Variants in CALN1 observed in about 807,000 individuals in gnomAD.
The protein encoded by CALN1 is calcium-binding protein 8.
CALN1 carries 17 observed loss-of-function variants against 30.6 expected under a neutral mutation model. The observed-to-expected ratio is 0.56, with a 90% confidence interval of 0.38 to 0.83. The LOEUF is 0.83. Among genes scored for constraint, CALN1 ranks in the 40% least tolerant of loss-of-function variants. CALN1 has a pLI of 0.00. For missense variants in CALN1, 291 were observed against 354.9 expected (o/e 0.82, Z 1.45); for synonymous variants, 156 against 131.4 (o/e 1.19, Z -1.28).
At chr7:72,029,028 T>C (rs1418818333) in intron 4 of CALN1, among the ~76,000 whole-genome samples, 1 of 152,184 alleles carries the variant, frequency 6.6e-6, no homozygotes, top group East Asian at 1.9e-4. Flanking sequence ...GATATAGCTA[T>C]AGAAATCTTT....
chr7:72,367,187 G>A (rs1251248141), intron 2 of CALN1, among the ~76,000 whole-genome samples: 1 of 152,048 alleles, frequency 6.6e-6, no homozygotes, highest in African/African-American at 2.4e-5. Flanking sequence ...AAGCAGGTTG[G>A]GACTAGAAGC....
At chr7:72,447,977 T>C (rs1409605087), upstream of CALN1, among the ~76,000 whole-genome samples, 1 of 140,626 alleles carries the variant, frequency 7.1e-6, no homozygotes, top group Non-Finnish European at 1.5e-5. Flanking sequence ...TGCCTGCCCA[T>C]GCACACACAC....
chr7:72,468,449 G>A, the CALN1 span, among the ~76,000 whole-genome samples: 1 of 152,202 alleles, frequency 6.6e-6, no homozygotes, highest in Non-Finnish European at 1.5e-5. Flanking sequence ...GAGTAGGCGG[G>A]ACTACAGGCA....
chr7:72,487,745 GGAAGGAAGGAAGGAAGGGT>G, the CALN1 span, among the ~76,000 whole-genome samples: 31 of 110,336 alleles, frequency 2.8e-4, no homozygotes, highest in East Asian at 2.7e-3. Context: ...AAGGAAGGAA[GGAAGGAAGGAAGGAAGGGT>G]AAAGAAAGAA....
chr7:72,010,856 G>C, intron 5 of CALN1, among the ~76,000 whole-genome samples: 1 of 149,800 alleles, frequency 6.7e-6, no homozygotes, highest in East Asian at 2.0e-4. Flanking sequence ...AAAAGAAAAG[G>C]AAAGGAAAGG....
intron 3 of CALN1, among the ~76,000 whole-genome samples, chr7:72,207,353 T>C (rs1791966311): frequency 6.6e-6 from 1 of 152,202 alleles, no homozygotes; most frequent in South Asian, 2.1e-4. Context: ...TCCCTTCAAA[T>C]GTCCCTCCCT....
intron 1 of CALN1, among the ~76,000 whole-genome samples, chr7:72,406,311 C>T (rs546225685): frequency 1.3e-5 from 2 of 152,280 alleles, no homozygotes; most frequent in Admixed American, 1.3e-4. Flanking sequence ...CATCTTCCCC[C>T]AATTTAACTG....
chr7:72,367,110 A>T (rs1031623709), intron 2 of CALN1, among the ~76,000 whole-genome samples: 6 of 62,880 alleles, frequency 9.5e-5, no homozygotes, highest in East Asian at 3.6e-4. Context: ...TTTTAATAAT[A>T]AAAAAAAACA....
chr7:72,054,448 C>CATATATATACATATATACATACAT, intron 4 of CALN1, among the ~76,000 whole-genome samples: 1 of 102,258 alleles, frequency 9.8e-6, no homozygotes, highest in Non-Finnish European at 1.9e-5. Context: ...TATATATATA[C>CATATATATACATATATACATACAT]ATATATATAC....
intron 5 of CALN1, among the ~76,000 whole-genome samples, chr7:71,885,368 G>A (rs1410646345): frequency 3.9e-5 from 6 of 152,288 alleles, no homozygotes; most frequent in East Asian, 1.9e-4. Flanking sequence ...TAGCCAGGAT[G>A]GTCTTGATCT....
At chr7:72,246,031 C>T (rs1161713901) in intron 3 of CALN1, among the ~76,000 whole-genome samples, 1 of 152,226 alleles carries the variant, frequency 6.6e-6, no homozygotes, top group Admixed American at 6.5e-5. Flanking sequence ...CCTTTCTTTT[C>T]TCCCTATGGG....
At chr7:71,925,241 GGAGAGAGA>G (rs140977661) in intron 5 of CALN1, among the ~76,000 whole-genome samples, 1 of 150,756 alleles carries the variant, frequency 6.6e-6, no homozygotes, top group Non-Finnish European at 1.5e-5. Context: ...ACTCTGAGGG[GGAGAGAGA>G]GAGAGAGACA....
intron 4 of CALN1, among the ~76,000 whole-genome samples, chr7:72,088,175 TGA>T (rs1281004582): frequency 6.6e-6 from 1 of 151,742 alleles, no homozygotes; most frequent in Non-Finnish European, 1.5e-5. Context: ...CTCTAAAAAC[TGA>T]GAGTGTGAAT....
chr7:72,150,817 C>G (rs772173906), intron 3 of CALN1, among the ~76,000 whole-genome samples: 77 of 152,098 alleles, frequency 5.1e-4, no homozygotes, highest in Non-Finnish European at 8.1e-4. Flanking sequence ...GTAAAACATG[C>G]AAAGTATACT....
intron 5 of CALN1, chr7:71,913,932 T>C (rs1012283194): frequency 2.6e-5 from 4 of 152,244 alleles, no homozygotes; most frequent in Non-Finnish European, 4.4e-5. Flanking sequence ...TTAGGAATCA[T>C]TGTCCCTGGC....
At chr7:71,992,407 G>A (rs1264390561) in intron 5 of CALN1, among the ~76,000 whole-genome samples, 2 of 152,024 alleles carry the variant, frequency 1.3e-5, no homozygotes, top group Non-Finnish European at 2.9e-5. Context: ...CCCAGGCTGG[G>A]ATGCAGTGGT....
At chr7:72,442,400 G>A (rs1808375688) in intron 1 of CALN1, among the ~76,000 whole-genome samples, 1 of 152,202 alleles carries the variant, frequency 6.6e-6, no homozygotes, top group Admixed American at 6.5e-5. Context: ...ATTCAGGATT[G>A]CATTCTATTT....
Position 72,412,249 on chromosome 7 carries a change from T to G in CALN1, c.-265A>C, listed in dbSNP as rs529952813. 2 of 152,098 alleles carry G rather than the reference T, an allele frequency of 1.3e-5. No individual in the cohort carries two copies. The highest frequency in any genetic ancestry group is 1.3e-4 in the Admixed American group (2 of 15,270). The allele number at this position is 152,098 out of a possible 1,614,324, so 9.4% of individuals were successfully genotyped here. A position where few individuals can be genotyped will look rare whatever the true frequency, so the allele number is the denominator to read the frequency against. On this transcript the variant is annotated 5_prime_UTR_variant, in exon 1 of 7. Transcript: ENST00000395275. ...AGACCGCGGCCGTGAGCTTTAAAGG[T>G]GGCGCGGACCCAGAGTAAGCAGTAA...
chr7:72,176,632 C>T (rs73701702), intron 3 of CALN1, among the ~76,000 whole-genome samples: 4,567 of 152,222 alleles, frequency 0.03, 225 homozygotes, highest in African/African-American at 0.1. Context: ...GCAGGCATCA[C>T]ACTTCATGTA....
Sources: gnomAD v4.1 joint callset for allele counts (sites outside exome capture counted in the v4.1 genomes callset) on GRCh38, gnomAD v4.1.1 for gene constraint, MANE v1.5 for transcripts, NCBI Gene and HGNC (gene_info 2026-07-23, HGNC 2026-07-21) for gene names.